The following MICU1 variants were observed in gnomAD, a reference collection of about 807,000 sequenced individuals.
MICU1 encodes the protein mitochondrial calcium uptake 1.
MICU1 carries 45 observed loss-of-function variants against 56.8 expected under a neutral mutation model. The observed-to-expected ratio is 0.79, with a 90% CI of 0.62 to 1.02. The LOEUF (loss-of-function observed/expected upper bound fraction) is 1.02. MICU1 is among the 50% of genes least tolerant of loss of function. The pLI, the probability that MICU1 is intolerant of heterozygous loss-of-function variation, is 0.00. For missense variants in MICU1, 504 were observed against 587.1 expected, an observed-to-expected ratio of 0.86 and a Z score of 1.46; for synonymous variants, 186 against 195.1, an observed-to-expected ratio of 0.95 and a Z score of 0.39.
intron 10 of MICU1, among the ~76,000 whole-genome samples, chr10:72,407,120 G>T (rs1304980798): frequency 6.6e-6 from 1 of 152,156 alleles, no homozygotes; most frequent in East Asian, 1.9e-4. Flanking sequence ...GCCTCTTGGT[G>T]AGTGGGGGCA....
intron 8 of MICU1, among the ~76,000 whole-genome samples, chr10:72,441,664 T>C (rs1206189037): frequency 7.2e-6 from 1 of 138,412 alleles, no homozygotes; most frequent in Admixed American, 8.0e-5. Context: ...TTGCCCAGGC[T>C]GGAGTGCAGT....
chr10:72,409,525 A>C (rs1307651555), intron 9 of MICU1, among the ~76,000 whole-genome samples: 3 of 152,088 alleles, frequency 2.0e-5, no homozygotes, highest in Non-Finnish European at 4.4e-5. Flanking sequence ...TCATCTCTAC[A>C]AAAAATATTT....
At chr10:72,394,639 A>C (rs1476319186) in intron 10 of MICU1, among the ~76,000 whole-genome samples, 3 of 151,524 alleles carry the variant, frequency 2.0e-5, no homozygotes, top group East Asian at 1.9e-4. Context: ...AAAAAAAAAA[A>C]CCCACCCATA....
chr10:72,489,316 AC>A (rs1224709778), intron 6 of MICU1, among the ~76,000 whole-genome samples: 2 of 144,758 alleles, frequency 1.4e-5, no homozygotes, highest in African/African-American at 5.7e-5. Flanking sequence ...ACACACACAC[AC>A]ACACACAAAA....
At chr10:72,560,160 A>AG (rs1248956646) in intron 3 of MICU1, 2 of 152,442 alleles carry the variant, frequency 1.3e-5, no homozygotes, top group Non-Finnish European at 2.9e-5. Flanking sequence ...AAAATGGAGA[A>AG]GAAAAAGGGG....
intron 1 of MICU1, among the ~76,000 whole-genome samples, chr10:72,580,649 G>C (rs149950117): frequency 1.3e-5 from 2 of 152,004 alleles, no homozygotes; most frequent in African/African-American, 4.8e-5. Context: ...GCTAACTTTC[G>C]TATTTTTTGT....
intron 9 of MICU1, among the ~76,000 whole-genome samples, chr10:72,420,075 T>C (rs1269974849): frequency 6.6e-6 from 1 of 152,224 alleles, no homozygotes; most frequent in African/African-American, 2.4e-5. Context: ...TCCTTTTTTT[T>C]TAAGACGGAG....
chr10:72,411,998 A>G (rs1204199457), intron 9 of MICU1, among the ~76,000 whole-genome samples: 1 of 152,220 alleles, frequency 6.6e-6, no homozygotes, highest in East Asian at 1.9e-4. Context: ...AATTTTATTG[A>G]GCACTTACTA....
chr10:72,593,636 A>G (rs1841291443), intron 1 of MICU1, among the ~76,000 whole-genome samples: 1 of 152,128 alleles, frequency 6.6e-6, no homozygotes, highest in Non-Finnish European at 1.5e-5. Flanking sequence ...AGATTGCACC[A>G]AAAAACTGTT....
intron 10 of MICU1, among the ~76,000 whole-genome samples, chr10:72,398,237 A>G (rs1863333151): frequency 6.6e-6 from 1 of 152,190 alleles, no homozygotes; most frequent in Admixed American, 6.5e-5. Flanking sequence ...GTTCTTTGAA[A>G]CCAATGAGAA....
At chr10:72,391,718 TCATAGATGGAC>T (rs1863078441) in intron 10 of MICU1, among the ~76,000 whole-genome samples, 3 of 152,214 alleles carry the variant, frequency 2.0e-5, no homozygotes, top group Admixed American at 2.0e-4. Flanking sequence ...TTGGAAAACC[TCATAGATGGAC>T]CACACAGCAT....
At chr10:72,532,194 T>C (rs1420020884) in intron 5 of MICU1, among the ~76,000 whole-genome samples, 2 of 152,014 alleles carry the variant, frequency 1.3e-5, no homozygotes, top group Non-Finnish European at 2.9e-5. Context: ...GGCGGGAGCC[T>C]GTAGTCCTAG....
intron 6 of MICU1, among the ~76,000 whole-genome samples, chr10:72,480,254 T>TTCCA: frequency 6.6e-6 from 1 of 152,360 alleles, no homozygotes; most frequent in East Asian, 1.9e-4. Context: ...AATGACAGCA[T>TTCCA]GACTGGCTTA....
At chr10:72,370,886 C>T (rs1224779713) in intron 11 of MICU1, among the ~76,000 whole-genome samples, 1 of 151,686 alleles carries the variant, frequency 6.6e-6, no homozygotes, top group Non-Finnish European at 1.5e-5. Flanking sequence ...AAAAAATTAG[C>T]TGGGCATGGT....
chr10:72,382,904 G>C (rs929949803), intron 10 of MICU1, among the ~76,000 whole-genome samples: 1 of 152,102 alleles, frequency 6.6e-6, no homozygotes, highest in Non-Finnish European at 1.5e-5. Flanking sequence ...GCAAGCCTCC[G>C]TCCAATAGTA....
At chr10:72,429,752 T>C (rs1156498803) in intron 8 of MICU1, among the ~76,000 whole-genome samples, 1 of 152,202 alleles carries the variant, frequency 6.6e-6, no homozygotes, top group East Asian at 1.9e-4. Flanking sequence ...TCTATAAGGA[T>C]AGTCTTGAGA....
intron 10 of MICU1, among the ~76,000 whole-genome samples, chr10:72,404,082 T>C (rs941543605): frequency 2.6e-5 from 4 of 151,946 alleles, no homozygotes; most frequent in South Asian, 2.1e-4. Context: ...CTCTGCCTCC[T>C]GGGTTCTAGC....
intron 10 of MICU1, among the ~76,000 whole-genome samples, 174 bp downstream of exon 10, chr10:72,407,755 T>A (rs1296136115): frequency 6.6e-6 from 1 of 152,174 alleles, no homozygotes; most frequent in East Asian, 1.9e-4. Context: ...ATATATTCAC[T>A]GAACTTGGCA....
chr10:72,411,092 A>C (rs1427607018), intron 9 of MICU1, among the ~76,000 whole-genome samples: 2 of 151,804 alleles, frequency 1.3e-5, no homozygotes, highest in African/African-American at 2.4e-5. Context: ...ACATTATGCC[A>C]AGTGAAATAA....
Sources: gnomAD v4.1 joint callset for allele counts (sites outside exome capture counted in the v4.1 genomes callset) on GRCh38, gnomAD v4.1.1 for gene constraint, MANE v1.5 for transcripts, NCBI Gene and HGNC (gene_info 2026-07-23, HGNC 2026-07-21) for gene names.